Variants in DNAL1 observed in about 807,000 individuals in gnomAD.
DNAL1 encodes chromosome 14 open reading frame 168.
In DNAL1, 17 loss-of-function variants were observed where a neutral mutation model predicts 29.4. The observed-to-expected ratio is 0.58, with a 90% CI of 0.40 to 0.87. DNAL1 has a LOEUF of 0.87. Among genes scored for constraint, DNAL1 ranks in the 40% least tolerant of loss-of-function variants. DNAL1 has a pLI of 0.00. For synonymous variants in DNAL1, 78 were observed against 76.3 expected (o/e 1.02, Z -0.12); for missense variants, 188 against 214.1 (o/e 0.88, Z 0.76).
rs1892308980 is a variant in DNAL1 at position 73,696,674 on chromosome 14, T to C, written c.*732T>C. 1 of 152,262 alleles carries C rather than the reference T, an allele frequency of 6.6e-6. No individual in the cohort carries two copies. Among genetic ancestry groups the C allele is most frequent in the Non-Finnish European group, 1.5e-5 (1 of 68,042 alleles). 9.4% of individuals were successfully genotyped at this position (152,262 alleles called of 1,614,324 possible). A position where few individuals can be genotyped will look rare whatever the true frequency, so the allele number is the denominator to read the frequency against. On this transcript the variant is annotated 3_prime_UTR_variant, in exon 8 of 8. Coordinates refer to ENST00000553645, the MANE Select transcript of DNAL1 (RefSeq NM_031427.4). ...CTGTCATGATCATTTCTTTGACTGA[T>C]AATGTGGCAATGTTACTCATGTGGA... is the stretch of plus-strand genomic sequence containing the variant.
At chr14:73,656,614 CAG>C (rs554471985) in intron 2 of DNAL1, among the ~76,000 whole-genome samples, 185 of 152,070 alleles carry the variant, frequency 1.2e-3, no homozygotes, top group African/African-American at 4.1e-3. Context: ...GTTGTAGAGA[CAG>C]AGTCTCATTA....
intron 1 of DNAL1, 42 bp downstream of exon 1, chr14:73,645,084 T>C (rs775805327): frequency 3.7e-6 from 6 of 1,600,600 alleles, no homozygotes; most frequent in Middle Eastern, 1.6e-4. Context: ...TGAGAGAAGA[T>C]TGGGAGTGGA....
Position 73,654,859 on chromosome 14 carries a change from ACAAT to A in DNAL1, c.20_23del (p.Ile7LysfsTer4), listed in dbSNP as rs1054981232. On this transcript the variant is annotated frameshift_variant, in exon 2 of 8. Coordinates refer to ENST00000553645, the MANE Select transcript of DNAL1 (RefSeq NM_031427.4). LOFTEE classifies it high-confidence loss of function. Reference sequence around the variant, plus strand: ...TTTTTTTTTAAAGGCGAAAGCAACAACAATCAAAGAAGCCTTAGCGAGATGGGTG... The same window carrying A: ...TTTTTTTTTAAAGGCGAAAGCAACAACAAAGAAGCCTTAGCGAGATGGGTG... 2 of 1,531,836 alleles carry A rather than the reference ACAAT, an allele frequency of 1.3e-6. No homozygotes were observed. The highest frequency in any genetic ancestry group is 1.8e-6 in the Non-Finnish European group (2 of 1,142,162). The allele number at this position is 1,531,836 out of a possible 1,614,324, so 94.9% of individuals were successfully genotyped here. A position where few individuals can be genotyped will look rare whatever the true frequency, so the allele number is the denominator to read the frequency against.
intron 2 of DNAL1, among the ~76,000 whole-genome samples, chr14:73,657,964 G>C (rs1045819260): frequency 6.6e-6 from 1 of 152,174 alleles, no homozygotes. Flanking sequence ...GGTCTTAGCC[G>C]TAAAATCTTC....
chr14:73,673,888 A>T (rs1566886019), intron 5 of DNAL1, among the ~76,000 whole-genome samples: 3 of 149,558 alleles, frequency 2.0e-5, no homozygotes, highest in Non-Finnish European at 4.5e-5. Context: ...ACAGAGGGGA[A>T]AAAAAAAAGG....
chr14:73,659,314 C>T (rs1891288714), intron 3 of DNAL1, among the ~76,000 whole-genome samples: 2 of 151,980 alleles, frequency 1.3e-5, no homozygotes, highest in Admixed American at 1.3e-4. Context: ...AGGCACATGC[C>T]ACCACGCCCA....
chr14:73,685,520 C>T (rs1440286948), intron 5 of DNAL1, among the ~76,000 whole-genome samples: 6 of 146,280 alleles, frequency 4.1e-5, no homozygotes, highest in South Asian at 2.1e-4. Flanking sequence ...AGTGCAGTTG[C>T]GCAATTTTGG....
chr14:73,695,977 A>T lies in DNAL1; in HGVS notation c.*35A>T. 6.5e-7 allele frequency: 1 copy of T among 1,542,616 alleles called. No homozygotes were observed. On this transcript the variant is annotated 3_prime_UTR_variant, in exon 8 of 8. Transcript: ENST00000553645. ...TTCCACTGTGTGTTAACTTATTTAA[A>T]TGTCATAAGAACAATAGATAAATTT...
chr14:73,682,692 C>G (rs188957890), intron 5 of DNAL1, among the ~76,000 whole-genome samples: 1 of 151,696 alleles, frequency 6.6e-6, no homozygotes, highest in African/African-American at 2.4e-5. Flanking sequence ...AAGACACAAA[C>G]ACATACATTA....
At chr14:73,658,275 T>C (rs1891260713) in intron 2 of DNAL1, among the ~76,000 whole-genome samples, 2 of 152,282 alleles carry the variant, frequency 1.3e-5, no homozygotes, top group Non-Finnish European at 1.5e-5. Context: ...TCTGCTTTTA[T>C]ACCAATACCG....
At chr14:73,687,487 G>T in intron 6 of DNAL1, 102 bp downstream of exon 6, 1 of 1,314,386 alleles carries the variant, frequency 7.6e-7, no homozygotes, top group Non-Finnish European at 9.9e-7. Context: ...TCTAAGCACA[G>T]AGAGAAAGTG....
intron 5 of DNAL1, among the ~76,000 whole-genome samples, chr14:73,684,030 CAT>C (rs1184317559): frequency 2.0e-5 from 3 of 152,166 alleles, no homozygotes; most frequent in South Asian, 4.1e-4. Context: ...TTAGATTCCA[CAT>C]ATGAGTGAGA....
chr14:73,699,111 G>A lies in DNAL1; in HGVS notation c.*3169G>A, dbSNP rs1418911098. The A allele has an allele frequency of 6.6e-6, 1 of 152,128 alleles. No individual in the cohort carries two copies. The highest frequency in any genetic ancestry group is 1.5e-5 in the Non-Finnish European group (1 of 68,044). 9.4% of individuals were successfully genotyped at this position (152,128 alleles called of 1,614,324 possible). A position where few individuals can be genotyped will look rare whatever the true frequency, so the allele number is the denominator to read the frequency against. On this transcript the variant is annotated 3_prime_UTR_variant, in exon 8 of 8. Transcript: ENST00000553645. ...GACAACAAAGATATCTCCAGACATT[G>A]CCATCTGTCCCTTGGGTAGGAGGGT...
intron 2 of DNAL1, among the ~76,000 whole-genome samples, chr14:73,657,535 T>C (rs910024259): frequency 1.3e-5 from 2 of 152,212 alleles, no homozygotes; most frequent in African/African-American, 4.8e-5. Flanking sequence ...TGCAAATATT[T>C]TCCCCCATTC....
chr14:73,656,458 G>C (rs1041865096), intron 2 of DNAL1, among the ~76,000 whole-genome samples: 1 of 142,492 alleles, frequency 7.0e-6, no homozygotes, highest in African/African-American at 2.6e-5. Context: ...TTTTGAGACA[G>C]TGTCTCGCTC....
chr14:73,649,326 G>T (rs1425967516), intron 1 of DNAL1, among the ~76,000 whole-genome samples: 2 of 148,846 alleles, frequency 1.3e-5, no homozygotes. Flanking sequence ...TCTGTCGCCA[G>T]GGCTGGAGTG....
intron 5 of DNAL1, among the ~76,000 whole-genome samples, chr14:73,674,638 C>T (rs1891689048): frequency 1.3e-5 from 2 of 152,192 alleles, no homozygotes; most frequent in South Asian, 2.1e-4. Flanking sequence ...ACCTCCTGGG[C>T]TCAGGCCATC....
At chr14:73,667,692 GGGTCTCCCCATGTTGCCCAGGCT>G (rs1445064393) in intron 4 of DNAL1, among the ~76,000 whole-genome samples, 3 of 152,164 alleles carry the variant, frequency 2.0e-5, no homozygotes, top group Middle Eastern at 6.8e-3. Flanking sequence ...TATAGAGTTG[GGGTCTCCCCATGTTGCCCAGGCT>G]GGTCTCGAAT....
At chr14:73,657,926 T>C (rs918632214) in intron 2 of DNAL1, among the ~76,000 whole-genome samples, 1 of 152,248 alleles carries the variant, frequency 6.6e-6, no homozygotes, top group Admixed American at 6.5e-5. Flanking sequence ...CCATTGTTTA[T>C]TTTTGTTTTT....
Sources: allele counts gnomAD v4.1 joint callset (sites outside exome capture counted in the v4.1 genomes callset), GRCh38; gene constraint gnomAD v4.1.1; transcripts MANE v1.5; gene names NCBI Gene and HGNC (gene_info 2026-07-23, HGNC 2026-07-21).